VPS41: variants seen among roughly 807,000 people sequenced by gnomAD.
VPS41 encodes vacuolar protein sorting-associated protein 41 homolog.
In VPS41, 85 loss-of-function variants were observed where a neutral mutation model predicts 130.9. The ratio of observed to expected loss-of-function variants is 0.65; its 90% CI spans 0.55 to 0.78. The LOEUF is 0.78. Ranked by LOEUF, VPS41 falls within the 30% of genes least tolerant of loss-of-function variation. VPS41 has a pLI of 0.00. For synonymous variants in VPS41, 335 were observed against 332.9 expected (o/e 1.01, Z -0.07); for missense variants, 874 against 1,018.7 (o/e 0.86, Z 1.93).
chr7:38,880,707 C>T (rs562603135), intron 2 of VPS41, among the ~76,000 whole-genome samples: 9 of 152,300 alleles, frequency 5.9e-5, no homozygotes, highest in South Asian at 2.1e-4. Flanking sequence ...TATTTAAAAA[C>T]GGCTGCACTG....
In VPS41 at chr7:38,774,011, A is replaced by C. The variant is rs910082204; in HGVS notation, c.1012+104T>G. The C allele has an allele frequency of 1.0e-5, 12 of 1,191,896 alleles. No individual in the cohort carries two copies. The African/African-American group carries it at 1.5e-4, about 15-fold the overall frequency. The allele number at this position is 1,191,896 out of a possible 1,614,324, so 73.8% of individuals were successfully genotyped here. ...ACACAGTCTACGCAGGTATTCTCTT[A>C]AGATTCTTTCAGCACCTTAATTTAA... is the stretch of plus-strand genomic sequence containing the variant. On this transcript the variant is annotated intron_variant, in intron 12 of 28. Transcript: ENST00000310301.
At chr7:38,748,425 A>G (rs1246103811) in intron 22 of VPS41, among the ~76,000 whole-genome samples, 2 of 152,060 alleles carry the variant, frequency 1.3e-5, no homozygotes, top group African/African-American at 4.8e-5. Context: ...ATTTCTACCT[A>G]TCCTTGATCT....
At chr7:38,861,679 G>A (rs34724372) in intron 4 of VPS41, among the ~76,000 whole-genome samples, 43,915 of 151,998 alleles carry the variant, frequency 0.29, 7,322 homozygotes, top group South Asian at 0.45. Context: ...ATTTTGACAA[G>A]TGCTGATGCT....
At chr7:38,831,524 A>T (rs1785387160) in intron 4 of VPS41, among the ~76,000 whole-genome samples, 2 of 152,258 alleles carry the variant, frequency 1.3e-5, no homozygotes, top group South Asian at 4.1e-4. Flanking sequence ...TAACTAAGAC[A>T]TCAAGCCTTC....
chr7:38,795,686 A>G, intron 8 of VPS41, 75 bp from the exon 9 acceptor site: 1 of 1,318,008 alleles, frequency 7.6e-7, no homozygotes, highest in African/African-American at 1.5e-5. Flanking sequence ...AGCCCCTGCT[A>G]CATACTACCA....
rs1014157983 is a variant in VPS41, at chr7:38,832,560, T to C, written c.247-2232A>G. Among the ~76,000 whole-genome samples, 3 of 152,262 alleles carry C rather than the reference T, an allele frequency of 2.0e-5. No individual in the cohort carries two copies. In the South Asian group the frequency reaches 6.2e-4, roughly 32 times the overall value. On this transcript the variant is annotated intron_variant, in intron 4 of 28. Coordinates refer to ENST00000310301, the MANE Select transcript of VPS41 (RefSeq NM_014396.4). ...TGTATCAATTCAGCATTGATTTAAT[T>C]ATAGAGGGTGTACATAGTATGTTCT...
chr7:38,863,996 A>G (rs1229220652), intron 3 of VPS41, among the ~76,000 whole-genome samples: 1 of 152,242 alleles, frequency 6.6e-6, no homozygotes, highest in East Asian at 1.9e-4. Flanking sequence ...TTTTACCTCT[A>G]CAGTGACACT....
Position 38,891,854 on chromosome 7 carries a change from C to A in VPS41, c.60+6237G>T, listed in dbSNP as rs574585404. ...CCTGTTTCCAAATTTTTGTATTATA[C>A]AAAGCAAATGAATGCTCTTATAGCT... On this transcript the variant is annotated intron_variant, in intron 2 of 28. Transcript: ENST00000310301. Among the ~76,000 whole-genome samples the A allele has an allele frequency of 2.0e-5, 3 of 152,068 alleles. No individual in the cohort carries two copies. In the East Asian group the frequency reaches 5.8e-4, roughly 29 times the overall value.
At chr7:38,733,172 G>A (rs1208995062) in intron 25 of VPS41, among the ~76,000 whole-genome samples, 1 of 152,126 alleles carries the variant, frequency 6.6e-6, no homozygotes. Flanking sequence ...AACTGTCTAT[G>A]GAATAAGTGC....
chr7:38,865,809 A>T (rs887624789), intron 3 of VPS41, among the ~76,000 whole-genome samples: 1 of 152,184 alleles, frequency 6.6e-6, no homozygotes, highest in African/African-American at 2.4e-5. Context: ...TGGAAAGGTC[A>T]GCTAATAAGA....
chr7:38,838,589 C>T (rs1220351142), intron 4 of VPS41, among the ~76,000 whole-genome samples: 5 of 152,102 alleles, frequency 3.3e-5, no homozygotes, highest in African/African-American at 1.2e-4. Flanking sequence ...GTCAAGCTGA[C>T]ACTATAGAAC....
chr7:38,789,604 G>A (rs1196350489), intron 10 of VPS41, among the ~76,000 whole-genome samples, 197 bp downstream of exon 10: 2 of 152,174 alleles, frequency 1.3e-5, no homozygotes, highest in Non-Finnish European at 2.9e-5. Context: ...ACTGAAGGAT[G>A]ATGACAAGAT....
intron 9 of VPS41, among the ~76,000 whole-genome samples, chr7:38,791,851 G>T (rs1047401533): frequency 3.9e-5 from 6 of 152,140 alleles, no homozygotes; most frequent in Admixed American, 6.5e-5. Flanking sequence ...AGGTTTAGGG[G>T]GGGTAAAACC....
chr7:38,878,442 A>C (rs2067683), intron 2 of VPS41, among the ~76,000 whole-genome samples: 39,122 of 152,136 alleles, frequency 0.26, 6,449 homozygotes, highest in Non-Finnish European at 0.38. Context: ...AAAACTTCCA[A>C]ATTCATTTTG....
Position 38,821,239 on chromosome 7 carries a change from T to C in VPS41, c.348A>G (p.Gly116=). ...AGTCAAAAGTCTCGTGAAATTCTTC[T>C]CCAGAATACAGTCCAAATACCTGCA... ...GKVQVFGLYS[G]EEFHETFDCP... The change falls in exon 6 of 29, where the codon GGA becomes GGG. Residue 116 remains glycine, a synonymous_variant. Transcript: ENST00000310301. 1 of 1,613,822 alleles carries C rather than the reference T, an allele frequency of 6.2e-7. No individual in the cohort carries two copies.
At chr7:38,787,607 A>C (rs1323485719) in intron 10 of VPS41, among the ~76,000 whole-genome samples, 3 of 152,196 alleles carry the variant, frequency 2.0e-5, no homozygotes, top group African/African-American at 7.2e-5. Context: ...TGAGAGTCTG[A>C]GTTGTAACAG....
At chr7:38,825,834 T>C (rs1450710007) in intron 5 of VPS41, among the ~76,000 whole-genome samples, 1 of 152,176 alleles carries the variant, frequency 6.6e-6, no homozygotes, top group Non-Finnish European at 1.5e-5. Context: ...GATGTAATCA[T>C]TCTCCACTTT....
intron 21 of VPS41, 33 bp from the exon 22 acceptor site, chr7:38,752,346 T>G: frequency 6.8e-6 from 11 of 1,611,988 alleles, no homozygotes; most frequent in Non-Finnish European, 9.3e-6. Flanking sequence ...CGTGACCCAT[T>G]AAAATGAGAA....
chr7:38,814,367 A>T (rs1221704636), intron 7 of VPS41, among the ~76,000 whole-genome samples: 3 of 152,192 alleles, frequency 2.0e-5, no homozygotes, highest in African/African-American at 7.2e-5. Context: ...ATTAAAGAAC[A>T]CAGGCCGGGC....
Sources: allele counts gnomAD v4.1 joint callset (sites outside exome capture counted in the v4.1 genomes callset), GRCh38; gene constraint gnomAD v4.1.1; transcripts MANE v1.5; gene names NCBI Gene and HGNC (gene_info 2026-07-23, HGNC 2026-07-21).